The following MAT1A variants were observed in gnomAD, a reference collection of about 807,000 sequenced individuals.
MAT1A encodes the protein S-adenosylmethionine synthase isoform type-1.
In MAT1A, 19 loss-of-function variants were observed where a neutral mutation model predicts 44.0. That is an observed-to-expected ratio of 0.43 (90% CI 0.30 to 0.63). The LOEUF (loss-of-function observed/expected upper bound fraction) is 0.63. Ranked by LOEUF, MAT1A falls within the 30% of genes least tolerant of loss-of-function variation. MAT1A has a pLI of 0.12. For missense variants in MAT1A, 397 were observed against 531.0 expected (o/e 0.75, Z 2.48); for synonymous variants, 205 against 205.6 (o/e 1.00, Z 0.03).
chr10:80,287,500 T>C (rs1564648667), intron 1 of MAT1A, among the ~76,000 whole-genome samples: 1 of 152,212 alleles, frequency 6.6e-6, no homozygotes, highest in Non-Finnish European at 1.5e-5. Flanking sequence ...AAGGGACGAT[T>C]AGACAAATTG....
rs1841427799 is a variant in MAT1A, at chr10:80,272,805, C to T, written c.*976G>A. 6.6e-6 allele frequency: 1 copy of T among 152,258 alleles called. No homozygotes were observed. The highest frequency in any genetic ancestry group is 1.5e-5 in the Non-Finnish European group (1 of 68,062). The allele number at this position is 152,258 out of a possible 1,614,324, so 9.4% of individuals were successfully genotyped here. A position where few individuals can be genotyped will look rare whatever the true frequency, so the allele number is the denominator to read the frequency against. ...AAAGCTGCTGGTCAGTCCCTAACTC[C>T]AGCCTACCCTGATGGGCCAGGTAAG... On this transcript the variant is annotated 3_prime_UTR_variant, in exon 9 of 9. Coordinates refer to ENST00000372213, the MANE Select transcript of MAT1A (RefSeq NM_000429.3).
chr10:80,288,965 G>A (rs1306075323), intron 1 of MAT1A, among the ~76,000 whole-genome samples: 2 of 152,188 alleles, frequency 1.3e-5, no homozygotes, highest in Non-Finnish European at 2.9e-5. Flanking sequence ...TTTCTCTAGA[G>A]ATCCCTTCTG....
Position 80,289,466 on chromosome 10 carries a change from T to C in MAT1A, c.-43A>G, listed in dbSNP as rs754335809. On this transcript the variant is annotated 5_prime_UTR_variant, in exon 1 of 9. Coordinates refer to ENST00000372213, the MANE Select transcript of MAT1A (RefSeq NM_000429.3). ...CTCACGCTTCTTTCAGTGAACAATT[T>C]TGAGGCTGTGACTTTGCCTGAGTTT... 8.0e-6 allele frequency: 12 copies of C among 1,495,216 alleles called. No individual in the cohort carries two copies. The South Asian group carries it at 1.2e-4, about 15-fold the overall frequency. 92.6% of individuals were successfully genotyped at this position (1,495,216 alleles called of 1,614,324 possible).
chr10:80,280,666 CA>C lies in MAT1A; in HGVS notation c.405+13del. The C allele has an allele frequency of 6.2e-7, 1 of 1,600,138 alleles. No homozygotes were observed. Among genetic ancestry groups the C allele is most frequent in the Non-Finnish European group, 8.6e-7 (1 of 1,167,242 alleles). ...CAGCTCAACACACAGCTCCCACATG[CA>C]GTGCCGAGCTACCTGATCTCCTGCC... On this transcript the variant is annotated intron_variant, in intron 4 of 8. Coordinates refer to ENST00000372213, the MANE Select transcript of MAT1A (RefSeq NM_000429.3).
At position 80,273,813 on chromosome 10, in the gene MAT1A, G is replaced by A; in HGVS notation, c.1156C>T (p.Pro386Ser). ...ACAAGCTTCCTGGGAACCTCCCATGGGAACTCGCTTCTTCCGAAATGGCCG... is the reference window on the plus strand; with the variant it reads ...ACAAGCTTCCTGGGAACCTCCCATGAGAACTCGCTTCTTCCGAAATGGCCG... ...CYGHFGRSEF[P>S]WEVPRKLVF Residue 386 changes from proline (P) to serine (S), a missense_variant, in exon 9 of 9, where the codon CCA (proline) becomes TCA (serine). Pro to Ser is a moderately conservative substitution (Grantham distance 74). Transcript: ENST00000372213. 6.2e-7 allele frequency: 1 copy of A among 1,613,810 alleles called. No homozygotes were observed. The highest frequency in any genetic ancestry group is 8.5e-7 in the Non-Finnish European group (1 of 1,179,800).
chr10:80,284,089 G>A, intron 2 of MAT1A, 51 bp from the exon 3 acceptor site: 2 of 1,604,196 alleles, frequency 1.2e-6, no homozygotes, highest in Non-Finnish European at 1.7e-6. Flanking sequence ...GCCAGCAAAG[G>A]GAAGCTCACA....
At chr10:80,276,906 A>C (rs531984469) in intron 5 of MAT1A, among the ~76,000 whole-genome samples, 1 of 152,348 alleles carries the variant, frequency 6.6e-6, no homozygotes, top group Non-Finnish European at 1.5e-5. Flanking sequence ...AGAGGCTTCC[A>C]GGTGCCAGCA....
In MAT1A at chr10:80,289,354, A is replaced by T; in HGVS notation, c.70T>A (p.Ser24Thr). The change falls in exon 1 of 9, where the codon TCT (serine) becomes ACT (threonine). Residue 24 changes from serine to threonine, a missense_variant. By Grantham distance (58) the Ser-to-Thr change is moderately conservative. Coordinates refer to ENST00000372213, the MANE Select transcript of MAT1A (RefSeq NM_000429.3). Reference protein sequence around the residue: ...SEGVFMFTSESVGEGHPDKIC... With the variant: ...SEGVFMFTSETVGEGHPDKIC... ...TTACCCGGGTGTCCCTCTCCCACAG[A>T]CTCCGATGTGAACATGAAGACTCCT... 6.2e-7 allele frequency: 1 copy of T among 1,613,962 alleles called. No individual in the cohort carries two copies. Among genetic ancestry groups the T allele is most frequent in the Non-Finnish European group, 8.5e-7 (1 of 1,179,992 alleles).
chr10:80,283,929 A>G lies in MAT1A; in HGVS notation c.279T>C (p.Asp93=). 1 of 1,614,194 alleles carries G rather than the reference A, an allele frequency of 6.2e-7. No homozygotes were observed. Among genetic ancestry groups the G allele is most frequent in the Non-Finnish European group, 8.5e-7 (1 of 1,180,048 alleles). ...VRDTIKHIGY[D]DSAKGFDFKT... ...GCCTGCCCTCACCCTTGGCTGAGTC[A>G]TCGTAGCCGATGTGCTTGATGGTGT... Residue 93 remains aspartate, a synonymous_variant, in exon 3 of 9, where the codon GAT becomes GAC. Coordinates refer to ENST00000372213, the MANE Select transcript of MAT1A (RefSeq NM_000429.3).
intron 3 of MAT1A, among the ~76,000 whole-genome samples, chr10:80,283,422 T>A (rs1408974705): frequency 3.9e-5 from 6 of 152,264 alleles, no homozygotes; most frequent in Non-Finnish European, 7.3e-5. Flanking sequence ...TTGCTCCATG[T>A]CTATGATTGC....
chr10:80,274,262 C>T (rs1460856664), intron 8 of MAT1A, among the ~76,000 whole-genome samples: 8 of 152,204 alleles, frequency 5.3e-5, no homozygotes, highest in South Asian at 2.1e-4. Flanking sequence ...CTAAGATCCC[C>T]GCCTGCCTCC....
In MAT1A at chr10:80,289,541, A is replaced by G; in HGVS notation, c.-118T>C. 1.3e-6 allele frequency: 1 copy of G among 786,308 alleles called. No homozygotes were observed. The allele number at this position is 786,308 out of a possible 1,614,324, so 48.7% of individuals were successfully genotyped here. A position where few individuals can be genotyped will look rare whatever the true frequency, so the allele number is the denominator to read the frequency against. On this transcript the variant is annotated 5_prime_UTR_variant, in exon 1 of 9. Coordinates refer to ENST00000372213, the MANE Select transcript of MAT1A (RefSeq NM_000429.3). ...TCAACCCAACAGGCTTGTCTTTGGC[A>G]GAGCCACGGGGATCACTTCTGCCTA...
Position 80,280,928 on chromosome 10 carries a change from T to C in MAT1A, c.293-136A>G, listed in dbSNP as rs1235530131. 1.2e-5 allele frequency: 9 copies of C among 722,634 alleles called. No individual in the cohort carries two copies. The African/African-American group carries it at 1.6e-4, about 12-fold the overall frequency. The allele number at this position is 722,634 out of a possible 1,614,324, so 44.8% of individuals were successfully genotyped here. A position where few individuals can be genotyped will look rare whatever the true frequency, so the allele number is the denominator to read the frequency against. On this transcript the variant is annotated intron_variant, in intron 3 of 8. Coordinates refer to ENST00000372213, the MANE Select transcript of MAT1A (RefSeq NM_000429.3). ...GTTCCCTAACTAGCCAGGGTCTGTC[T>C]AGGCCCACAGCTGAGGCCCAGGATG...
At chr10:80,287,359 T>A (rs1224555506) in intron 1 of MAT1A, among the ~76,000 whole-genome samples, 2 of 151,346 alleles carry the variant, frequency 1.3e-5, no homozygotes, top group African/African-American at 4.8e-5. Flanking sequence ...CCAATAGTTG[T>A]TTTTTTGGAA....
rs973279024 is a variant in MAT1A, at chr10:80,272,585, A to C, written c.*1196T>G. ...CTCCCTCCAAATGCACTCAGCCTGC[A>C]GGGGATACAAGGGACCAGGGAAAGA... On this transcript the variant is annotated 3_prime_UTR_variant, in exon 9 of 9. Coordinates refer to ENST00000372213, the MANE Select transcript of MAT1A (RefSeq NM_000429.3). 8.5e-5 allele frequency: 13 copies of C among 152,436 alleles called. No individual in the cohort carries two copies. The highest frequency in any genetic ancestry group is 2.7e-4 in the African/African-American group (11 of 41,446). The allele number at this position is 152,436 out of a possible 1,614,324, so 9.4% of individuals were successfully genotyped here.
intron 3 of MAT1A, 58 bp from the exon 4 acceptor site, chr10:80,280,850 A>C: frequency 8.2e-7 from 1 of 1,217,248 alleles, no homozygotes; most frequent in Non-Finnish European, 1.2e-6. Context: ...GGGGCCACAA[A>C]CTTCCCAATG....
At chr10:80,285,180 A>T (rs1589483762) in intron 2 of MAT1A, among the ~76,000 whole-genome samples, 1 of 152,190 alleles carries the variant, frequency 6.6e-6, no homozygotes, top group East Asian at 1.9e-4. Context: ...CGTCTGGAAG[A>T]TTCACCTAAG....
rs1038321397 is a variant in MAT1A at position 80,273,503 on chromosome 10, G to C, written c.*278C>G. The C allele has an allele frequency of 9.1e-6, 4 of 438,602 alleles. No individual in the cohort carries two copies. Among genetic ancestry groups the C allele is most frequent in the African/African-American group, 8.1e-5 (4 of 49,526 alleles). 27.2% of individuals were successfully genotyped at this position (438,602 alleles called of 1,614,324 possible). The stretch of plus-strand genomic sequence containing the variant: ...GAGACGAGTGAGGGAATTCACTCTT[G>C]ACGGGGGTGCCTTTTCCACTAAATT... On this transcript the variant is annotated 3_prime_UTR_variant, in exon 9 of 9. Coordinates refer to ENST00000372213, the MANE Select transcript of MAT1A (RefSeq NM_000429.3).
chr10:80,278,957 C>T (rs1264935581), intron 5 of MAT1A, among the ~76,000 whole-genome samples: 2 of 152,136 alleles, frequency 1.3e-5, no homozygotes, highest in East Asian at 3.9e-4. Context: ...AAGCAAAGCC[C>T]TAAGAAACAA....
Sources: gnomAD v4.1 joint callset for allele counts (sites outside exome capture counted in the v4.1 genomes callset) on GRCh38, gnomAD v4.1.1 for gene constraint, MANE v1.5 for transcripts, NCBI Gene and HGNC (gene_info 2026-07-23, HGNC 2026-07-21) for gene names.